UPP2: variants seen among roughly 807,000 people sequenced by gnomAD.
The protein encoded by UPP2 is uridine phosphorylase 2.
In UPP2, 23 loss-of-function variants were observed where a neutral mutation model predicts 26.7. That is an observed-to-expected ratio of 0.86 (90% CI 0.62 to 1.22). The LOEUF (loss-of-function observed/expected upper bound fraction) is 1.22. UPP2 is among the 50% of genes most tolerant of loss of function. The pLI is 0.00. For synonymous variants in UPP2, 127 were observed against 141.3 expected (o/e 0.90, Z 0.72); for missense variants, 387 against 396.7 (o/e 0.98, Z 0.21).
At chr2:158,100,565 T>C (rs1683058870), upstream of UPP2, among the ~76,000 whole-genome samples, 1 of 152,148 alleles carries the variant, frequency 6.6e-6, no homozygotes, top group Non-Finnish European at 1.5e-5. Flanking sequence ...AGTCTCAAAA[T>C]TGCCAGTGGT....
At chr2:158,123,644 G>A (rs1249485053) in intron 5 of UPP2, 105 bp from the exon 6 acceptor site, 5 of 1,358,276 alleles carry the variant, frequency 3.7e-6, no homozygotes, top group Non-Finnish European at 5.0e-6. Flanking sequence ...GCACGCTGTA[G>A]AGTTAGACAG....
At chr2:158,114,931 T>C (rs1424080037) in intron 2 of UPP2, among the ~76,000 whole-genome samples, 170 bp from the exon 3 acceptor site, 2 of 152,226 alleles carry the variant, frequency 1.3e-5, no homozygotes, top group African/African-American at 2.4e-5. Context: ...TGTTGCTTTA[T>C]TTACAGGTTG....
At chr2:158,133,110 A>T (rs766297380) in intron 6 of UPP2, among the ~76,000 whole-genome samples, 7 of 152,228 alleles carry the variant, frequency 4.6e-5, no homozygotes, top group Non-Finnish European at 1.0e-4. Flanking sequence ...CAAGATATGG[A>T]ATCAACCAAG....
At chr2:158,120,409 G>C (rs1683539147) in intron 4 of UPP2, among the ~76,000 whole-genome samples, 2 of 152,000 alleles carry the variant, frequency 1.3e-5, no homozygotes, top group Non-Finnish European at 2.9e-5. Flanking sequence ...TATAATCTAT[G>C]GCATCTTTGT....
At chr2:158,048,115 G>T (rs181057488) in intron 3 of UPP2, among the ~76,000 whole-genome samples, 90 of 152,288 alleles carry the variant, frequency 5.9e-4, no homozygotes, top group African/African-American at 2.0e-3. Context: ...TAATCTATAA[G>T]GGGCACTAAA....
At chr2:158,133,626 T>C (rs1015918535) in intron 6 of UPP2, 35 of 152,192 alleles carry the variant, frequency 2.3e-4, no homozygotes, top group Non-Finnish European at 1.8e-4. Context: ...TACCTCATAA[T>C]TATATATAAT....
chr2:158,013,993 G>T (rs1286189194), intron 2 of UPP2, among the ~76,000 whole-genome samples: 1 of 152,200 alleles, frequency 6.6e-6, no homozygotes, highest in East Asian at 1.9e-4. Context: ...GCCTGCTTCT[G>T]CAGGGTCTCT....
At chr2:158,020,720 G>C (rs1683736723) in intron 3 of UPP2, among the ~76,000 whole-genome samples, 2 of 152,232 alleles carry the variant, frequency 1.3e-5, no homozygotes, top group African/African-American at 4.8e-5. Context: ...CATTCTGACT[G>C]GTTGGTGGCT....
chr2:158,085,069 A>G (rs1474136704), intron 3 of UPP2, among the ~76,000 whole-genome samples: 1 of 152,114 alleles, frequency 6.6e-6, no homozygotes, highest in African/African-American at 2.4e-5. Flanking sequence ...ATGAGTTTGA[A>G]GATTGCTTTT....
chr2:158,036,492 A>G (rs1267554797), intron 3 of UPP2, among the ~76,000 whole-genome samples: 1 of 152,170 alleles, frequency 6.6e-6, no homozygotes, highest in Non-Finnish European at 1.5e-5. Flanking sequence ...GTGTGGGCCT[A>G]TTGTGTGCCA....
At chr2:157,995,609 C>T (rs1683312717) in intron 2 of UPP2, among the ~76,000 whole-genome samples, 1 of 151,626 alleles carries the variant, frequency 6.6e-6, no homozygotes, top group African/African-American at 2.4e-5. Flanking sequence ...TCTAACGATC[C>T]CTTTAATACA....
chr2:158,097,053 TTAAA>T (rs1221547268), upstream of UPP2, among the ~76,000 whole-genome samples: 1 of 151,884 alleles, frequency 6.6e-6, no homozygotes, highest in African/African-American at 2.4e-5. Flanking sequence ...GTAATATATA[TTAAA>T]TATTTTATAG....
intron 3 of UPP2, among the ~76,000 whole-genome samples, chr2:158,068,780 ATATATATATATATATATATATATTTT>A (rs1682479651): frequency 1.3e-4 from 1 of 7,954 alleles, no homozygotes; most frequent in South Asian, 3.1e-3. Flanking sequence ...ATATATATAT[ATATATATATATATATATATATATTTT>A]TTTTTTTTTT....
At chr2:158,004,193 T>G (rs1683451450) in intron 2 of UPP2, among the ~76,000 whole-genome samples, 1 of 152,146 alleles carries the variant, frequency 6.6e-6, no homozygotes, top group Non-Finnish European at 1.5e-5. Flanking sequence ...CTTTTTAAAA[T>G]TAGTAAATCT....
chr2:158,015,538 T>A (rs1683644189), intron 2 of UPP2, among the ~76,000 whole-genome samples: 1 of 152,262 alleles, frequency 6.6e-6, no homozygotes. Context: ...ATAGTGCTGC[T>A]GTGAACATGG....
intron 4 of UPP2, among the ~76,000 whole-genome samples, chr2:158,118,716 G>A (rs1040475019): frequency 6.6e-6 from 1 of 152,028 alleles, no homozygotes; most frequent in African/African-American, 2.4e-5. Flanking sequence ...AGAACTGAAT[G>A]GGCATTATAA....
chr2:158,040,368 A>G (rs895266154), intron 3 of UPP2, among the ~76,000 whole-genome samples: 3 of 152,230 alleles, frequency 2.0e-5, no homozygotes, highest in Non-Finnish European at 4.4e-5. Flanking sequence ...TTGTTCATAC[A>G]TCTAGCATTA....
intron 6 of UPP2, among the ~76,000 whole-genome samples, chr2:158,131,562 T>A (rs187016179): frequency 6.6e-5 from 10 of 152,298 alleles, no homozygotes; most frequent in Non-Finnish European, 1.2e-4. Context: ...TCCCAAAGGG[T>A]TGACAATTAC....
intron 3 of UPP2, among the ~76,000 whole-genome samples, chr2:158,059,098 C>A (rs745749821): frequency 4.6e-5 from 7 of 152,162 alleles, no homozygotes; most frequent in Non-Finnish European, 1.0e-4. Context: ...AGGAGGTCTT[C>A]AAGAAGTGAT....
Sources: gnomAD v4.1 joint callset for allele counts (sites outside exome capture counted in the v4.1 genomes callset) on GRCh38, gnomAD v4.1.1 for gene constraint, MANE v1.5 for transcripts, NCBI Gene and HGNC (gene_info 2026-07-23, HGNC 2026-07-21) for gene names.